The following VIPR2 variants were observed in gnomAD, a reference collection of about 807,000 sequenced individuals.
VIPR2 encodes the protein vasoactive intestinal polypeptide receptor 2.
In VIPR2, 48 loss-of-function variants were observed where a neutral mutation model predicts 58.0. That is an observed-to-expected ratio of 0.83 (90% CI 0.66 to 1.05). The LOEUF (loss-of-function observed/expected upper bound fraction) is 1.05, where lower values mean the gene tolerates loss of function less well. Ranked by LOEUF, VIPR2 falls within the 50% of genes least tolerant of loss-of-function variation. VIPR2 has a pLI of 0.00. For synonymous variants in VIPR2, 243 were observed against 235.2 expected (o/e 1.03, Z -0.30); for missense variants, 534 against 558.0 (o/e 0.96, Z 0.43).
At chr7:159,032,694 G>A (rs539108378) in intron 10 of VIPR2, among the ~76,000 whole-genome samples, 6 of 152,282 alleles carry the variant, frequency 3.9e-5, no homozygotes, top group Non-Finnish European at 5.9e-5. Flanking sequence ...AAAGGACCTC[G>A]TGTGGCCTCA....
chr7:159,035,900 G>A, intron 8 of VIPR2, 52 bp downstream of exon 8: 3 of 1,594,062 alleles, frequency 1.9e-6, no homozygotes, highest in South Asian at 1.1e-5. Flanking sequence ...ACTTCATGTT[G>A]CCAGATGTTG....
chr7:159,100,913 C>T (rs1244961279), intron 4 of VIPR2, among the ~76,000 whole-genome samples: 5 of 145,426 alleles, frequency 3.4e-5, no homozygotes, highest in Non-Finnish European at 3.0e-5. Flanking sequence ...CCCGACTGTT[C>T]CTGTGGTAGT....
chr7:159,063,512 C>T (rs1437912095), intron 4 of VIPR2, among the ~76,000 whole-genome samples: 2 of 151,980 alleles, frequency 1.3e-5, no homozygotes, highest in Non-Finnish European at 2.9e-5. Flanking sequence ...CGCGCCTCTC[C>T]CTCCACACCT....
chr7:159,106,898 A>C (rs181188581), intron 3 of VIPR2, among the ~76,000 whole-genome samples: 41 of 147,950 alleles, frequency 2.8e-4, no homozygotes, highest in South Asian at 6.6e-4. Flanking sequence ...GAAAGAGGCC[A>C]GGGAGGTGCA....
rs571086258 is a variant in VIPR2, at chr7:159,101,004, G to A, written c.357+2753C>T. Among the ~76,000 whole-genome samples, 38 of 139,558 alleles carry A rather than the reference G, an allele frequency of 2.7e-4. 2 individuals are homozygous for A. Among genetic ancestry groups the A allele is most frequent in the African/African-American group, 8.3e-4 (30 of 36,042 alleles). The allele number at this position is 139,558 out of a possible 152,430, so 91.6% of individuals were successfully genotyped here. On this transcript the variant is annotated intron_variant, in intron 4 of 12. Transcript: ENST00000262178. ...CGGGTCTCACGAGATCCGACGAGGC[G>A]GTTCTGACTGTTCCCGTGGTAGTGA...
chr7:159,126,619 T>C (rs574537826), intron 2 of VIPR2, among the ~76,000 whole-genome samples: 74 of 152,258 alleles, frequency 4.9e-4, no homozygotes, highest in African/African-American at 1.7e-3. Context: ...GACGGCCACA[T>C]GCTGGGAAGG....
chr7:159,140,107 A>G (rs965825895), intron 2 of VIPR2, among the ~76,000 whole-genome samples: 1 of 152,114 alleles, frequency 6.6e-6, no homozygotes, highest in Non-Finnish European at 1.5e-5. Context: ...TTCAACATGT[A>G]ATAAAGAGAA....
chr7:159,138,074 C>T (rs1797303434), intron 2 of VIPR2, among the ~76,000 whole-genome samples: 1 of 152,180 alleles, frequency 6.6e-6, no homozygotes, highest in Non-Finnish European at 1.5e-5. Context: ...TGCTGAGGAC[C>T]ACGAACAGCG....
chr7:159,034,484 A>G, intron 9 of VIPR2, 97 bp downstream of exon 9: 1 of 1,375,550 alleles, frequency 7.3e-7, no homozygotes, highest in Non-Finnish European at 1.0e-6. Flanking sequence ...TGATGCGTGG[A>G]ATGGGGTCAG....
rs1563251622 is a variant in VIPR2, at chr7:159,031,477, G to A, written c.1143+351C>T. The stretch of plus-strand genomic sequence containing the variant: ...CAGCCCCACCCCCCAACCCAGGCCC[G>A]GCTTTCTGGGACTCACAAGCTATGG... On this transcript the variant is annotated intron_variant, in intron 12 of 12. Coordinates refer to ENST00000262178, the MANE Select transcript of VIPR2 (RefSeq NM_003382.5). This position sits in a 1 kb window ranked among gnomAD's most constrained non-coding sequence, Gnocchi z 4.0. The A allele has an allele frequency of 9.1e-6, 9 of 984,334 alleles. No individual in the cohort carries two copies. Among genetic ancestry groups the A allele is most frequent in the African/African-American group, 3.5e-5 (2 of 57,096 alleles). The allele number at this position is 984,334 out of a possible 1,614,324, so 61.0% of individuals were successfully genotyped here.
rs912175664 is a variant in VIPR2, at chr7:159,088,745, C to T, written c.357+15012G>A. ...ACCACGGAGTGAAAGCAGTGAGCTCCGGAGTCCATTCAGCTACTCTGGTCA... is the reference window on the plus strand; with the variant it reads ...ACCACGGAGTGAAAGCAGTGAGCTCTGGAGTCCATTCAGCTACTCTGGTCA... On this transcript the variant is annotated intron_variant, in intron 4 of 12. Transcript: ENST00000262178. Among the ~76,000 whole-genome samples the T allele has an allele frequency of 7.2e-5, 11 of 152,384 alleles. No individual in the cohort carries two copies. The East Asian group carries it at 7.7e-4, about 11-fold the overall frequency.
intron 4 of VIPR2, among the ~76,000 whole-genome samples, chr7:159,059,599 G>T (rs1855515551): frequency 6.6e-6 from 1 of 152,058 alleles, no homozygotes; most frequent in South Asian, 2.1e-4. Context: ...TCTCTTCTTG[G>T]GAACCTCGGC....
intron 2 of VIPR2, among the ~76,000 whole-genome samples, chr7:159,136,227 G>A (rs1429014825): frequency 2.6e-5 from 4 of 152,128 alleles, no homozygotes; most frequent in African/African-American, 9.7e-5. Context: ...ACAGGCCATC[G>A]TGTAGTGAGG....
chr7:159,041,385 C>T (rs111836173), intron 6 of VIPR2, among the ~76,000 whole-genome samples: 5,076 of 152,202 alleles, frequency 0.033, 285 homozygotes, highest in African/African-American at 0.12. Context: ...TGCAGGTCCT[C>T]CAGGGTCCGC....
Position 159,101,341 on chromosome 7 carries a change from G to A in VIPR2, c.357+2416C>T, listed in dbSNP as rs550918973. Reference sequence around the variant, plus strand: ...ATCCGACGAGGCGGTTCCCCTGACTGTTCCTGTGGTAGTGAACGGGTCTCA... The same window carrying A: ...ATCCGACGAGGCGGTTCCCCTGACTATTCCTGTGGTAGTGAACGGGTCTCA... On this transcript the variant is annotated intron_variant, in intron 4 of 12. Coordinates refer to ENST00000262178, the MANE Select transcript of VIPR2 (RefSeq NM_003382.5). Among the ~76,000 whole-genome samples, 1,287 of 138,772 alleles carry A rather than the reference G, an allele frequency of 9.3e-3. 3 individuals are homozygous for A. The highest frequency in any genetic ancestry group is 0.035 in the African/African-American group (1,212 of 34,698). 91.0% of individuals were successfully genotyped at this position (138,772 alleles called of 152,430 possible).
At chr7:159,050,346 CAAAAAAACAAAA>C (rs533726391) in intron 5 of VIPR2, among the ~76,000 whole-genome samples, 689 of 41,738 alleles carry the variant, frequency 0.017, 5 homozygotes, top group South Asian at 0.057. Context: ...CAAAAAAACA[CAAAAAAACAAAA>C]AAAAAAACAA....
chr7:159,108,531 T>C (rs550729919), intron 3 of VIPR2, among the ~76,000 whole-genome samples: 116 of 152,264 alleles, frequency 7.6e-4, no homozygotes, highest in Admixed American at 1.6e-3. Flanking sequence ...GGGAAAAAGG[T>C]GGAATAAGCA....
At chr7:159,109,677 A>C in intron 3 of VIPR2, 135 bp downstream of exon 3, 1 of 789,374 alleles carries the variant, frequency 1.3e-6, no homozygotes. Flanking sequence ...CCAATATGCC[A>C]CAGCTGTTCC....
rs899508976 is a variant in VIPR2, at chr7:159,030,743, G to A, written c.1190C>T (p.Pro397Leu). The change falls in exon 13 of 13, where the codon CCG (proline) becomes CTG (leucine). Residue 397 changes from proline to leucine, a missense_variant. Transcript: ENST00000262178. ...KRKWRSRCPT[P>L]SASRDYRVCG... ...GACCCTGTAATCCCGGCTCGCGGAC[G>A]GGGTCGGGCACCGGCTTCGCCATTT... 5.7e-6 allele frequency: 9 copies of A among 1,590,300 alleles called. No individual in the cohort carries two copies. Among genetic ancestry groups the A allele is most frequent in the East Asian group, 2.3e-5 (1 of 43,360 alleles).
Sources: gnomAD v4.1 joint callset for allele counts (sites outside exome capture counted in the v4.1 genomes callset) on GRCh38, gnomAD v4.1.1 for gene constraint, Gnocchi (gnomAD v3.1) non-coding constraint, MANE v1.5 for transcripts, NCBI Gene and HGNC (gene_info 2026-07-23, HGNC 2026-07-21) for gene names.